The following TASP1 variants were observed in gnomAD, a reference collection of about 807,000 sequenced individuals.
TASP1 encodes threonine aspartase 1.
Under a neutral mutation model 56.6 loss-of-function variants are expected in TASP1, and 16 were observed. That is an observed-to-expected ratio of 0.28 (90% confidence interval 0.19 to 0.43). The LOEUF is 0.43. Ranked by LOEUF, TASP1 falls within the 20% of genes least tolerant of loss-of-function variation. TASP1 has a pLI of 1.00. For synonymous variants in TASP1, 179 were observed against 184.2 expected (o/e 0.97, Z 0.23); for missense variants, 393 against 511.6 (o/e 0.77, Z 2.24).
At chr20:13,405,990 G>C (rs1294054561) in intron 13 of TASP1, among the ~76,000 whole-genome samples, 6 of 152,168 alleles carry the variant, frequency 3.9e-5, no homozygotes, top group Non-Finnish European at 7.3e-5. Flanking sequence ...AAACTGCAGA[G>C]CTGGACGGTA....
chr20:13,222,985 A>ACTATCCTGGCCGACT, the TASP1 span, among the ~76,000 whole-genome samples: 2 of 152,088 alleles, frequency 1.3e-5, no homozygotes, highest in African/African-American at 2.4e-5. Flanking sequence ...CGACATGGTG[A>ACTATCCTGGCCGACT]AACCCCGTCT....
At chr20:13,584,504 A>G (rs2047234044) in intron 5 of TASP1, among the ~76,000 whole-genome samples, 2 of 145,758 alleles carry the variant, frequency 1.4e-5, no homozygotes, top group Admixed American at 6.8e-5. Context: ...AAAACTGCAT[A>G]ATAAGAGAAA....
At chr20:13,607,011 C>T (rs924180883) in intron 4 of TASP1, among the ~76,000 whole-genome samples, 2 of 152,042 alleles carry the variant, frequency 1.3e-5, no homozygotes, top group Non-Finnish European at 2.9e-5. Flanking sequence ...TTACAGGTTG[C>T]TCCTATAGAG....
the TASP1 span, among the ~76,000 whole-genome samples, chr20:13,332,395 A>C: frequency 6.6e-6 from 1 of 152,208 alleles, no homozygotes; most frequent in African/African-American, 2.4e-5. Context: ...ATGTTGCTCT[A>C]AGTAAACTTA....
rs1049689655 is a variant in TASP1 at position 13,485,412 on chromosome 20, T to C, written c.875-2075A>G. On this transcript the variant is annotated intron_variant, in intron 10 of 13. Transcript: ENST00000337743. ...TAGAAGAATGGGAATTCTGAAGTAGTTGTTCACCTATTCAGTAAAAAAATA... is the reference window on the plus strand; with the variant it reads ...TAGAAGAATGGGAATTCTGAAGTAGCTGTTCACCTATTCAGTAAAAAAATA... 2.6e-5 allele frequency among the ~76,000 whole-genome samples: 4 copies of C among 152,306 alleles called. No homozygotes were observed. The East Asian group carries it at 5.8e-4, about 22-fold the overall frequency.
chr20:13,139,403 C>T, the TASP1 span, among the ~76,000 whole-genome samples: 2 of 152,104 alleles, frequency 1.3e-5, no homozygotes, highest in Non-Finnish European at 2.9e-5. Flanking sequence ...TCATTTTTTC[C>T]TAACATAAAG....
At chr20:13,207,878 G>C in the TASP1 span, among the ~76,000 whole-genome samples, 112 of 151,912 alleles carry the variant, frequency 7.4e-4, no homozygotes, top group Admixed American at 3.1e-3. Flanking sequence ...GCCTAATATC[G>C]ATATATCAGT....
chr20:13,227,007 A>T, the TASP1 span, among the ~76,000 whole-genome samples: 1 of 152,224 alleles, frequency 6.6e-6, no homozygotes, highest in Non-Finnish European at 1.5e-5. Context: ...GTGCAAGGAC[A>T]TAAAGTGTCC....
At chr20:13,509,680 C>A (rs1185159361) in intron 10 of TASP1, among the ~76,000 whole-genome samples, 2 of 152,142 alleles carry the variant, frequency 1.3e-5, no homozygotes, top group Non-Finnish European at 2.9e-5. Flanking sequence ...GGCTGGAGTG[C>A]AATGGTGCAA....
intron 10 of TASP1, among the ~76,000 whole-genome samples, chr20:13,526,405 T>G (rs2044980634): frequency 6.6e-6 from 1 of 152,188 alleles, no homozygotes; most frequent in South Asian, 2.1e-4. Flanking sequence ...CTTTGCTTTG[T>G]TCAAGTACTA....
At chr20:13,288,817 C>T in the TASP1 span, 2 of 901,324 alleles carry the variant, frequency 2.2e-6, no homozygotes, top group South Asian at 3.6e-5. Context: ...CGGAGTCTCT[C>T]CCTGTCGCCC....
At chr20:13,148,892 A>C in the TASP1 span, among the ~76,000 whole-genome samples, 1 of 152,160 alleles carries the variant, frequency 6.6e-6, no homozygotes, top group African/African-American at 2.4e-5. Context: ...CCTTTCAACG[A>C]CCTACTAAAT....
Position 13,396,170 on chromosome 20 carries a change from G to A in TASP1, c.1171-5718C>T, listed in dbSNP as rs138732543. 3.9e-3 allele frequency among the ~76,000 whole-genome samples: 599 copies of A among 152,122 alleles called. 5 individuals carry two copies. The highest frequency in any genetic ancestry group is 0.013 in the Admixed American group (200 of 15,276). ...TTAATGAGTTGACTCAGGAGACACT[G>A]CCACCCACCCCTATCCTTTTCCCAG... is the stretch of plus-strand genomic sequence containing the variant. On this transcript the variant is annotated intron_variant, in intron 13 of 13. Coordinates refer to ENST00000337743, the MANE Select transcript of TASP1 (RefSeq NM_017714.3).
chr20:13,191,995 CA>C, the TASP1 span, among the ~76,000 whole-genome samples: 1 of 152,158 alleles, frequency 6.6e-6, no homozygotes, highest in African/African-American at 2.4e-5. Flanking sequence ...TGTTCTTTGT[CA>C]ATTACCCAGT....
At chr20:13,444,101 A>G (rs780609353) in intron 11 of TASP1, among the ~76,000 whole-genome samples, 1 of 152,154 alleles carries the variant, frequency 6.6e-6, no homozygotes, top group South Asian at 2.1e-4. Context: ...GTAGTCTCTG[A>G]TGTGCATGTA....
chr20:13,293,071 G>A, the TASP1 span, among the ~76,000 whole-genome samples: 2 of 152,026 alleles, frequency 1.3e-5, no homozygotes, highest in South Asian at 4.2e-4. Flanking sequence ...ATGGTGGCAG[G>A]CGCCTGTAGT....
intron 10 of TASP1, 46 bp downstream of exon 10, chr20:13,528,387 T>C (rs747444796): frequency 6.5e-7 from 1 of 1,530,084 alleles, no homozygotes. Context: ...ATTAAATGAT[T>C]GACAAGGTTG....
chr20:13,231,693 T>C, the TASP1 span, among the ~76,000 whole-genome samples: 1 of 152,276 alleles, frequency 6.6e-6, no homozygotes, highest in South Asian at 2.1e-4. Flanking sequence ...CACAGAGCAC[T>C]CTCTATGGCT....
At chr20:13,522,103 A>T (rs2044786313) in intron 10 of TASP1, among the ~76,000 whole-genome samples, 1 of 152,196 alleles carries the variant, frequency 6.6e-6, no homozygotes, top group Non-Finnish European at 1.5e-5. Flanking sequence ...GAGCCACCGT[A>T]GCTGGAATTG....
Sources: allele counts gnomAD v4.1 joint callset (sites outside exome capture counted in the v4.1 genomes callset), GRCh38; gene constraint gnomAD v4.1.1; transcripts MANE v1.5; gene names NCBI Gene and HGNC (gene_info 2026-07-23, HGNC 2026-07-21).